Variants in PXK observed in about 807,000 individuals in gnomAD.
PXK encodes the protein PX domain containing serine/threonine kinase like.
Under a neutral mutation model 84.7 loss-of-function variants are expected in PXK, and 35 were observed. That is an observed-to-expected ratio of 0.41 (90% CI 0.32 to 0.55). The LOEUF is 0.55. Among genes scored for constraint, PXK ranks in the 20% least tolerant of loss-of-function variants. PXK has a pLI of 0.21. For missense variants in PXK, 634 were observed against 699.7 expected, an observed-to-expected ratio of 0.91 and a Z score of 1.06; for synonymous variants, 253 against 260.8, an observed-to-expected ratio of 0.97 and a Z score of 0.29.
At chr3:58,378,917 T>C (rs2098471658) in intron 3 of PXK, among the ~76,000 whole-genome samples, 1 of 151,760 alleles carries the variant, frequency 6.6e-6, no homozygotes, top group Non-Finnish European at 1.5e-5. Flanking sequence ...CCCTTTATTA[T>C]TATTATTAGT....
At chr3:58,391,304 G>A in intron 6 of PXK, 84 bp downstream of exon 6, 2 of 1,221,964 alleles carry the variant, frequency 1.6e-6, no homozygotes, top group Admixed American at 3.6e-5. Flanking sequence ...TTACAAAATT[G>A]TACTGTGCTC....
At position 58,373,478 on chromosome 3, in the gene PXK, G is replaced by A. The variant is rs77494724; in HGVS notation, c.201+4000G>A. Among the ~76,000 whole-genome samples, 11 of 152,282 alleles carry A rather than the reference G, an allele frequency of 7.2e-5. No homozygotes were observed. The East Asian group carries it at 1.7e-3, about 24-fold the overall frequency. On this transcript the variant is annotated intron_variant, in intron 3 of 17. Transcript: ENST00000356151. ...TTATAGCACAAATGTTTTGTAATTA[G>A]AATTTTACTGCCCATTGTTGACCTT...
chr3:58,361,182 G>C (rs1281342195), intron 1 of PXK, among the ~76,000 whole-genome samples: 1 of 151,036 alleles, frequency 6.6e-6, no homozygotes, highest in Non-Finnish European at 1.5e-5. Context: ...TGTAATCCCA[G>C]CTACTCGAGA....
At position 58,410,150 on chromosome 3, in the gene PXK, A is replaced by C. The variant is rs2059985547; in HGVS notation, c.1456A>C (p.Asn486His). The C allele has an allele frequency of 6.3e-7, 1 of 1,588,592 alleles. No homozygotes were observed. The highest frequency in any genetic ancestry group is 8.6e-7 in the Non-Finnish European group (1 of 1,156,490). ...EEHSAKYSNS[N>H]NSAGSGASSP... is the part of the protein sequence containing the mutation. Reference sequence around the variant, plus strand: ...GCATTCAGCGAAGTACAGCAACTCCAATAATTCAGGTAACTGGTTATAGAT... The same window carrying C: ...GCATTCAGCGAAGTACAGCAACTCCCATAATTCAGGTAACTGGTTATAGAT... The change falls in exon 16 of 18, where the codon AAT (asparagine) becomes CAT (histidine). Residue 486 changes from asparagine to histidine, a missense_variant. Physicochemically the swap from Asn to His is moderately conservative, Grantham distance 68. Around this residue, in one of 3 missense-constraint regions of PXK, gnomAD observed 273 missense variants for 283.6 expected, o/e 0.96. Coordinates refer to ENST00000356151, the MANE Select transcript of PXK (RefSeq NM_017771.5).
chr3:58,378,512 TTGTG>T (rs71091375), intron 3 of PXK, among the ~76,000 whole-genome samples: 328 of 28,506 alleles, frequency 0.012, 2 homozygotes, highest in Middle Eastern at 0.014. Flanking sequence ...TTTTTTTTTT[TTGTG>T]TGTGTGTGTG....
At position 58,410,086 on chromosome 3, in the gene PXK, AAAG is replaced by A; in HGVS notation, c.1396_1398del. ...TCCCTCCCCCTTTTCTTTTATTCTT[AAAG>A]AAGTCAAAACGATCTGCTCTTGAAA... On this transcript the variant is annotated splice_acceptor_variant and splice_polypyrimidine_tract_variant and intron_variant, in intron 15 of 17. Transcript: ENST00000356151. LOFTEE classifies it high-confidence loss of function. 2 of 1,576,744 alleles carry A rather than the reference AAAG, an allele frequency of 1.3e-6. No homozygotes were observed. The highest frequency in any genetic ancestry group is 1.1e-5 in the South Asian group (1 of 90,312).
intron 1 of PXK, among the ~76,000 whole-genome samples, chr3:58,346,905 C>A (rs972526147): frequency 1.3e-5 from 2 of 152,132 alleles, no homozygotes; most frequent in Admixed American, 6.5e-5. Flanking sequence ...GTGGTGCGAT[C>A]TCGGCTCACT....
intron 3 of PXK, among the ~76,000 whole-genome samples, chr3:58,373,999 C>T (rs1230552169): frequency 1.4e-5 from 2 of 146,804 alleles, no homozygotes; most frequent in African/African-American, 2.5e-5. Context: ...GAGCCGAGAT[C>T]GCACACTGCA....
rs571975410 is a variant in PXK, at chr3:58,341,044, C to A, written c.102+7954C>A. On this transcript the variant is annotated intron_variant, in intron 1 of 17. Coordinates refer to ENST00000356151, the MANE Select transcript of PXK (RefSeq NM_017771.5). ...TTCCTTTGCAAGCACCAAGTATGTACAGGGGGAAGTTAAAGTTGACTCCTC... is the reference window on the plus strand; with the variant it reads ...TTCCTTTGCAAGCACCAAGTATGTAAAGGGGGAAGTTAAAGTTGACTCCTC... Among the ~76,000 whole-genome samples, 8 of 150,548 alleles carry A rather than the reference C, an allele frequency of 5.3e-5. 1 individual carries two copies. In the South Asian group the frequency reaches 1.5e-3, roughly 28 times the overall value.
At chr3:58,393,802 A>G (rs1175097358) in intron 7 of PXK, among the ~76,000 whole-genome samples, 2 of 152,180 alleles carry the variant, frequency 1.3e-5, no homozygotes, top group Non-Finnish European at 2.9e-5. Flanking sequence ...TTAACATTTA[A>G]TGTGATTTTC....
At position 58,411,069 on chromosome 3, in the gene PXK, T is replaced by C. The variant is rs1302566467; in HGVS notation, c.1465+910T>C. Among the ~76,000 whole-genome samples the C allele has an allele frequency of 6.6e-6, 1 of 152,090 alleles. No individual in the cohort carries two copies. The highest frequency in any genetic ancestry group is 1.9e-4 in the East Asian group (1 of 5,184). On this transcript the variant is annotated intron_variant, in intron 16 of 17. Coordinates refer to ENST00000356151, the MANE Select transcript of PXK (RefSeq NM_017771.5). The surrounding 1 kb of genome is among the most constrained non-coding windows in gnomAD (Gnocchi z 4.2). Reference sequence around the variant, plus strand: ...ATCTCTTCCTAGCGGTAGGATTTGGTGTGGGCAGGTGAAGAGGCAGAGATG... The same window carrying C: ...ATCTCTTCCTAGCGGTAGGATTTGGCGTGGGCAGGTGAAGAGGCAGAGATG...
intron 1 of PXK, among the ~76,000 whole-genome samples, chr3:58,336,048 TA>T (rs2097584707): frequency 2.1e-5 from 1 of 48,764 alleles, no homozygotes; most frequent in African/African-American, 1.1e-4. Context: ...CATATATATA[TA>T]TATATATATA....
rs990724938 is a variant in PXK at position 58,421,287 on chromosome 3, C to T, written c.1529-3465C>T. ...TGGCTGCTAACATGGGCCTAAGAGT[C>T]GGTGGGGAAGGGAGCCAGGCGCAGT... On this transcript the variant is annotated intron_variant, in intron 17 of 17. Transcript: ENST00000356151. The surrounding 1 kb of genome is among the most constrained non-coding windows in gnomAD (Gnocchi z 5.5). 7 of 985,214 alleles carry T rather than the reference C, an allele frequency of 7.1e-6. No homozygotes were observed. Among genetic ancestry groups the T allele is most frequent in the Non-Finnish European group, 8.4e-6 (7 of 829,884 alleles). The allele number at this position is 985,214 out of a possible 1,614,324, so 61.0% of individuals were successfully genotyped here.
chr3:58,339,221 TTTTTTTG>T (rs1310048257), intron 1 of PXK, among the ~76,000 whole-genome samples: 6,428 of 129,876 alleles, frequency 0.049, 478 homozygotes, highest in African/African-American at 0.17. Context: ...GTGGGGGGTT[TTTTTTTG>T]TTTTTTTTTG....
At chr3:58,359,535 A>C (rs1024773071) in intron 1 of PXK, among the ~76,000 whole-genome samples, 4 of 152,116 alleles carry the variant, frequency 2.6e-5, no homozygotes, top group Admixed American at 2.0e-4. Flanking sequence ...GTCTCAAAAA[A>C]AAAAAAAAAG....
intron 1 of PXK, among the ~76,000 whole-genome samples, chr3:58,356,948 G>T (rs1008899644): frequency 3.4e-5 from 5 of 149,092 alleles, no homozygotes; most frequent in African/African-American, 9.8e-5. Context: ...GGTGAAAACA[G>T]TTCCCTTTTG....
chr3:58,417,036 C>T (rs2061076154), intron 17 of PXK, among the ~76,000 whole-genome samples: 1 of 152,154 alleles, frequency 6.6e-6, no homozygotes, highest in Admixed American at 6.5e-5. Flanking sequence ...TTCTGAGAGG[C>T]TGGGACTATA....
intron 1 of PXK, among the ~76,000 whole-genome samples, chr3:58,355,489 T>C (rs1357113833): frequency 3.3e-5 from 5 of 152,242 alleles, no homozygotes; most frequent in Non-Finnish European, 5.9e-5. Context: ...TAATTTGTGT[T>C]TGTAGCCTCA....
At chr3:58,353,033 G>A (rs1341887667) in intron 1 of PXK, among the ~76,000 whole-genome samples, 1 of 150,528 alleles carries the variant, frequency 6.6e-6, no homozygotes, top group Non-Finnish European at 1.5e-5. Context: ...GTCTTGCTCT[G>A]TCACCCAGGC....
Sources: gnomAD v4.1 joint callset for allele counts (sites outside exome capture counted in the v4.1 genomes callset) on GRCh38, gnomAD v4.1.1 for gene constraint, gnomAD v4.1.1 regional missense constraint, Gnocchi (gnomAD v3.1) non-coding constraint, MANE v1.5 for transcripts, NCBI Gene and HGNC (gene_info 2026-07-23, HGNC 2026-07-21) for gene names.